IL1RAPL2: variants seen among roughly 807,000 people sequenced by gnomAD.
IL1RAPL2 encodes the protein interleukin 1 receptor accessory protein like 2.
IL1RAPL2 carries 3 observed loss-of-function variants against 44.1 expected under a neutral mutation model. The observed-to-expected ratio is 0.07, with a 90% CI of 0.03 to 0.18. The LOEUF is 0.18. IL1RAPL2 is among the 10% of genes least tolerant of loss of function. The pLI, the probability that IL1RAPL2 is intolerant of heterozygous loss-of-function variation, is 1.00. For synonymous variants in IL1RAPL2, 181 were observed against 178.8 expected (o/e 1.01, Z -0.10); for missense variants, 391 against 496.4 (o/e 0.79, Z 2.02).
chrX:104,750,534 A>C (rs1223121754), intron 2 of IL1RAPL2, among the ~76,000 whole-genome samples: 1 of 110,844 alleles, frequency 9.0e-6, no homozygotes, highest in Non-Finnish European at 1.9e-5. Flanking sequence ...CAACAAGCAG[A>C]TGTTTTAGCA....
chrX:105,532,822 G>C (rs4345709), intron 6 of IL1RAPL2, among the ~76,000 whole-genome samples: 38,749 of 109,640 alleles, frequency 0.35, 5,565 homozygotes, highest in South Asian at 0.48. Flanking sequence ...TTCATGAAAG[G>C]TATTACAAGG....
intron 2 of IL1RAPL2, among the ~76,000 whole-genome samples, chrX:105,083,455 C>G (rs980498923): frequency 5.4e-5 from 6 of 111,109 alleles, no homozygotes; most frequent in African/African-American, 2.0e-4. Context: ...ACAGAGAATA[C>G]CACAAGATAG....
chrX:105,031,373 T>C (rs2031491236), intron 2 of IL1RAPL2, among the ~76,000 whole-genome samples: 1 of 110,583 alleles, frequency 9.0e-6, no homozygotes, highest in Non-Finnish European at 1.9e-5. Context: ...TGATATTGGC[T>C]GTGGGTTTGT....
At chrX:105,484,717 A>C (rs189224536) in intron 6 of IL1RAPL2, among the ~76,000 whole-genome samples, 4 of 111,549 alleles carry the variant, frequency 3.6e-5, no homozygotes, top group Non-Finnish European at 5.7e-5. Context: ...CAAAATTTTT[A>C]TTTGGACAGC....
At chrX:104,572,210 C>A (rs1414652101) in intron 1 of IL1RAPL2, among the ~76,000 whole-genome samples, 1 of 111,703 alleles carries the variant, frequency 9.0e-6, no homozygotes, top group African/African-American at 3.3e-5. Flanking sequence ...TATTATTGCT[C>A]TGGGGTCCTG....
At chrX:105,350,200 C>T (rs984870723) in intron 5 of IL1RAPL2, among the ~76,000 whole-genome samples, 35 of 111,543 alleles carry the variant, frequency 3.1e-4, no homozygotes, top group African/African-American at 9.8e-4. Flanking sequence ...TTTCACTCCA[C>T]CAAAACCTTC....
intron 2 of IL1RAPL2, among the ~76,000 whole-genome samples, chrX:105,051,391 A>G (rs2031922705): frequency 8.9e-6 from 1 of 112,528 alleles, no homozygotes; most frequent in African/African-American, 3.2e-5. Flanking sequence ...TGCTCAGCCA[A>G]CTCAGAATGG....
chrX:105,365,426 A>G (rs1318491758), intron 5 of IL1RAPL2, among the ~76,000 whole-genome samples: 1 of 111,416 alleles, frequency 9.0e-6, no homozygotes, highest in Admixed American at 9.6e-5. Context: ...TAACTTTGGG[A>G]GTATTCCCTC....
chrX:104,634,744 A>C (rs1300905093), intron 1 of IL1RAPL2, among the ~76,000 whole-genome samples: 1 of 111,867 alleles, frequency 8.9e-6, no homozygotes, highest in African/African-American at 3.3e-5. Flanking sequence ...GTGTCTCTGC[A>C]CATGAGATGG....
chrX:104,980,969 G>T (rs1185130965), intron 2 of IL1RAPL2, among the ~76,000 whole-genome samples: 1 of 110,475 alleles, frequency 9.1e-6, no homozygotes, highest in East Asian at 2.8e-4. Context: ...CCATTTGTTT[G>T]TGTCATCTCT....
At chrX:104,989,092 G>A (rs1417678799) in intron 2 of IL1RAPL2, among the ~76,000 whole-genome samples, 1 of 111,796 alleles carries the variant, frequency 8.9e-6, no homozygotes, top group African/African-American at 3.2e-5. Context: ...GAGAAGTATA[G>A]TGCATAAGAA....
At chrX:105,264,166 C>T (rs1174961585) in intron 4 of IL1RAPL2, among the ~76,000 whole-genome samples, 1 of 110,372 alleles carries the variant, frequency 9.1e-6, no homozygotes, top group Non-Finnish European at 1.9e-5. Context: ...CCATCCTGTT[C>T]TCATGATAGT....
Position 104,988,128 on chromosome X carries a change from G to A in IL1RAPL2, c.83-207347G>A, listed in dbSNP as rs1230900935. Among the ~76,000 whole-genome samples the A allele has an allele frequency of 3.6e-5, 4 of 112,194 alleles. No homozygotes were observed. In the Admixed American group the frequency reaches 3.8e-4, roughly 11 times the overall value. On this transcript the variant is annotated intron_variant, in intron 2 of 10. Transcript: ENST00000372582. ...TTTACTGGTTTTCTTCTGACCACTA[G>A]CTATCTGCTGTGGTGCAGAGACATT...
intron 2 of IL1RAPL2, among the ~76,000 whole-genome samples, chrX:105,151,428 G>C (rs1295617514): frequency 9.0e-6 from 1 of 110,564 alleles, no homozygotes; most frequent in Non-Finnish European, 1.9e-5. Context: ...GAAAAAGGGA[G>C]GTAGAGAGAG....
intron 2 of IL1RAPL2, among the ~76,000 whole-genome samples, chrX:105,039,318 G>A (rs1430749942): frequency 2.7e-5 from 3 of 111,782 alleles, no homozygotes; most frequent in Non-Finnish European, 5.7e-5. Context: ...GCAAAGGGAA[G>A]CTTTTCTAAT....
chrX:104,612,706 C>T (rs1160746134), intron 1 of IL1RAPL2, among the ~76,000 whole-genome samples: 1 of 110,355 alleles, frequency 9.1e-6, no homozygotes, highest in African/African-American at 3.3e-5. Context: ...TTTTCTAGTT[C>T]TGTGAAAAAT....
chrX:104,857,919 G>C (rs995988093), intron 2 of IL1RAPL2, among the ~76,000 whole-genome samples: 2 of 111,119 alleles, frequency 1.8e-5, no homozygotes, highest in African/African-American at 6.5e-5. Flanking sequence ...AAAGCTAATT[G>C]TTAGAATCCT....
At chrX:105,183,775 G>C (rs2033557367) in intron 2 of IL1RAPL2, among the ~76,000 whole-genome samples, 1 of 111,617 alleles carries the variant, frequency 9.0e-6, no homozygotes, top group Non-Finnish European at 1.9e-5. Context: ...AGCTGGCATT[G>C]CACCACTGAA....
intron 6 of IL1RAPL2, among the ~76,000 whole-genome samples, chrX:105,532,920 G>A (rs995861044): frequency 2.7e-5 from 3 of 110,632 alleles, no homozygotes; most frequent in Admixed American, 9.6e-5. Flanking sequence ...TACCAGGTGC[G>A]GTGGCTCACA....
Sources: gnomAD v4.1 joint callset for allele counts (sites outside exome capture counted in the v4.1 genomes callset) on GRCh38, gnomAD v4.1.1 for gene constraint, MANE v1.5 for transcripts, NCBI Gene and HGNC (gene_info 2026-07-23, HGNC 2026-07-21) for gene names.